MGAT1: variants seen among roughly 807,000 people sequenced by gnomAD.
MGAT1 encodes the protein N-glycosyl-oligosaccharide-glycoprotein N-acetylglucosaminyltransferase I.
In MGAT1, 14 loss-of-function variants were observed where a neutral mutation model predicts 31.7. That is an observed-to-expected ratio of 0.44 (90% CI 0.29 to 0.69). The LOEUF (loss-of-function observed/expected upper bound fraction) is 0.69, where lower values mean the gene tolerates loss of function less well. Ranked by LOEUF, MGAT1 falls within the 30% of genes least tolerant of loss-of-function variation. The pLI is 0.12. For synonymous variants in MGAT1, 338 were observed against 276.0 expected, an observed-to-expected ratio of 1.22 and a Z score of -2.23; for missense variants, 557 against 626.0, an observed-to-expected ratio of 0.89 and a Z score of 1.18.
chr5:180,813,283 T>G (rs1174124117), intron 1 of MGAT1, among the ~76,000 whole-genome samples: 2 of 152,200 alleles, frequency 1.3e-5, no homozygotes, highest in Non-Finnish European at 2.9e-5. Flanking sequence ...TGCATTGTTG[T>G]TTTAAGTTTT....
At chr5:180,801,974 G>T (rs6871213) in intron 1 of MGAT1, among the ~76,000 whole-genome samples, 18,863 of 152,228 alleles carry the variant, frequency 0.12, 1,235 homozygotes, top group East Asian at 0.24. Context: ...ATGTGAGCAC[G>T]TAAGAGCAAA....
rs1332582598 is a variant in MGAT1 at position 180,788,895 on chromosome 5, A to G, written c.*2739T>C. 2 of 152,320 alleles carry G rather than the reference A, an allele frequency of 1.3e-5. No homozygotes were observed. Among genetic ancestry groups the G allele is most frequent in the South Asian group, 4.1e-4 (2 of 4,830 alleles). 9.4% of individuals were successfully genotyped at this position (152,320 alleles called of 1,614,324 possible). A position where few individuals can be genotyped will look rare whatever the true frequency, so the allele number is the denominator to read the frequency against. On this transcript the variant is annotated 3_prime_UTR_variant, in exon 2 of 2. Coordinates refer to ENST00000307826, the MANE Select transcript of MGAT1 (RefSeq NM_002406.4). The stretch of plus-strand genomic sequence containing the variant: ...TTGGTACTTATCCTGGAGCACTCAG[A>G]ACAATGCACTTGGCTAGCTGCATGA...
At chr5:180,797,377 G>A (rs1396208844) in intron 1 of MGAT1, among the ~76,000 whole-genome samples, 5 of 133,018 alleles carry the variant, frequency 3.8e-5, no homozygotes, top group African/African-American at 1.4e-4. Context: ...CTTCCAGCCC[G>A]GATGATGAAG....
chr5:180,794,373 A>AAGAG (rs1768877396), intron 1 of MGAT1, among the ~76,000 whole-genome samples: 1 of 149,478 alleles, frequency 6.7e-6, no homozygotes, highest in South Asian at 2.1e-4. Flanking sequence ...CAGCCTGGGC[A>AAGAG]AGAGAGTGAG....
At position 180,789,291 on chromosome 5, in the gene MGAT1, T is replaced by C. The variant is rs1049060192; in HGVS notation, c.*2343A>G. On this transcript the variant is annotated 3_prime_UTR_variant, in exon 2 of 2. Coordinates refer to ENST00000307826, the MANE Select transcript of MGAT1 (RefSeq NM_002406.4). ...TGCCTAGCCCAGGGTTTTTGGTTTG[T>C]TTTGTTTTGAGACGCAGTTTCGCTC... is the stretch of plus-strand genomic sequence containing the variant. The C allele has an allele frequency of 1.3e-5, 2 of 152,072 alleles. No homozygotes were observed. Among genetic ancestry groups the C allele is most frequent in the African/African-American group, 4.8e-5 (2 of 41,330 alleles). 9.4% of individuals were successfully genotyped at this position (152,072 alleles called of 1,614,324 possible).
chr5:180,810,095 T>TCCAGGCC (rs1288765324), intron 1 of MGAT1: 2 of 118,396 alleles, frequency 1.7e-5, no homozygotes, highest in African/African-American at 3.3e-5. Flanking sequence ...CGGGTCGCAA[T>TCCAGGCC]CCAGGCCCCA....
chr5:180,793,463 C>T (rs1369092560), intron 1 of MGAT1, among the ~76,000 whole-genome samples: 1 of 152,130 alleles, frequency 6.6e-6, no homozygotes, highest in African/African-American at 2.4e-5. Context: ...AATCAAATGT[C>T]CCACCTCAGG....
At chr5:180,803,977 G>C (rs1247803404), upstream of MGAT1, 1 of 152,416 alleles carries the variant, frequency 6.6e-6, no homozygotes, top group East Asian at 1.9e-4. Flanking sequence ...TGCGGCCTGT[G>C]GTTACTGACT....
At chr5:180,810,035 G>C (rs1581924589) in intron 1 of MGAT1, 1 of 152,052 alleles carries the variant, frequency 6.6e-6, no homozygotes, top group South Asian at 2.1e-4. Context: ...GCGCCGGGTC[G>C]TTACCTGGTT....
chr5:180,814,983 A>T (rs1772782291), intron 1 of MGAT1, among the ~76,000 whole-genome samples: 1 of 152,018 alleles, frequency 6.6e-6, no homozygotes, highest in Non-Finnish European at 1.5e-5. Flanking sequence ...GGAATATCTG[A>T]AACTGGGTAA....
At chr5:180,808,782 T>A (rs1561878992) in exon 2 of MGAT1, 2 of 152,276 alleles carry the variant, frequency 1.3e-5, no homozygotes, top group Admixed American at 1.3e-4. Context: ...CCAAAGTCCA[T>A]GGCTGAGCTG....
Position 180,792,243 on chromosome 5 carries a change from G to C in MGAT1, c.729C>G (p.Asp243Glu), listed in dbSNP as rs763900845. ...CGTCCACCATCTGCTCCTTGCCGTTGTCATTCCAGGCCGAGACGCACCACA... is the reference window on the plus strand; with the variant it reads ...CGTCCACCATCTGCTCCTTGCCGTTCTCATTCCAGGCCGAGACGCACCACA... The part of the protein sequence containing the change: ...PSLWCVSAWN[D>E]NGKEQMVDAS... Residue 243 changes from aspartate (D) to glutamate (E), a missense_variant, in exon 2 of 2, where the codon GAC (aspartate) becomes GAG (glutamate). Transcript: ENST00000307826. 6.2e-7 allele frequency: 1 copy of C among 1,613,108 alleles called. No individual in the cohort carries two copies. Among genetic ancestry groups the C allele is most frequent in the South Asian group, 1.1e-5 (1 of 91,080 alleles).
chr5:180,814,876 G>A (rs574601347), intron 1 of MGAT1, among the ~76,000 whole-genome samples: 1 of 151,760 alleles, frequency 6.6e-6, no homozygotes, highest in African/African-American at 2.4e-5. Flanking sequence ...GGGGGGCGGT[G>A]GTTGCAGTGA....
chr5:180,792,711 G>A lies in MGAT1; in HGVS notation c.261C>T (p.Pro87=). The change falls in exon 2 of 2, where the codon CCC becomes CCT. Residue 87 remains proline, a synonymous_variant. Transcript: ENST00000307826. ...GCGGCTGGGCGGGAGGGGCCGCGGT[G>A]GGCACCCTCCCCCGCTGGCTCGACA... The part of the protein sequence containing the change: ...DALSSQRGRV[P]TAAPPAQPRV... The A allele has an allele frequency of 1.3e-6, 2 of 1,550,284 alleles. No individual in the cohort carries two copies. Among genetic ancestry groups the A allele is most frequent in the Non-Finnish European group, 8.7e-7 (1 of 1,149,696 alleles).
intron 1 of MGAT1, among the ~76,000 whole-genome samples, chr5:180,800,452 C>A (rs768984194): frequency 3.3e-5 from 5 of 152,216 alleles, no homozygotes; most frequent in Non-Finnish European, 7.3e-5. Context: ...GGGCCAGATG[C>A]CCCTAGAGGC....
intron 1 of MGAT1, among the ~76,000 whole-genome samples, chr5:180,812,026 G>A (rs560477067): frequency 6.6e-6 from 1 of 152,258 alleles, no homozygotes; most frequent in East Asian, 1.9e-4. Flanking sequence ...GTCTCCCTTG[G>A]CCTGCTCCAC....
chr5:180,791,643 G>A lies in MGAT1; in HGVS notation c.1329C>T (p.Ser443=), dbSNP rs1284499810. ...PPLTWEGYDP[S]WN is the part of the protein sequence containing the mutation. ...GAAGGACAGGCAGGTGCTAATTCCA[G>A]CTAGGATCATAGCCCTCCCACGTCA... is the stretch of plus-strand genomic sequence containing the variant. The change falls in exon 2 of 2, where the codon AGC becomes AGT. Residue 443 remains serine, a synonymous_variant. Coordinates refer to ENST00000307826, the MANE Select transcript of MGAT1 (RefSeq NM_002406.4). 2.5e-6 allele frequency: 4 copies of A among 1,613,194 alleles called. No homozygotes were observed. Among genetic ancestry groups the A allele is most frequent in the Non-Finnish European group, 3.4e-6 (4 of 1,179,888 alleles).
chr5:180,796,063 C>T (rs569864872), intron 1 of MGAT1, among the ~76,000 whole-genome samples: 5 of 123,588 alleles, frequency 4.0e-5, no homozygotes, highest in South Asian at 5.6e-4. Context: ...AAGCTTCAGG[C>T]GTGCACCCTC....
chr5:180,802,370 C>T (rs1000186146), intron 1 of MGAT1, among the ~76,000 whole-genome samples: 24 of 152,222 alleles, frequency 1.6e-4, no homozygotes, highest in African/African-American at 5.3e-4. Context: ...CACCCCCTCC[C>T]TGCCCCGCAC....
Sources: allele counts gnomAD v4.1 joint callset (sites outside exome capture counted in the v4.1 genomes callset), GRCh38; gene constraint gnomAD v4.1.1; transcripts MANE v1.5; gene names NCBI Gene and HGNC (gene_info 2026-07-23, HGNC 2026-07-21).